HAUS8: variants seen among roughly 807,000 people sequenced by gnomAD.
HAUS8 encodes the protein HAUS augmin-like complex subunit 8.
Under a neutral mutation model 42.9 loss-of-function variants are expected in HAUS8, and 38 were observed. The observed-to-expected ratio is 0.89, with a 90% CI of 0.68 to 1.16. HAUS8 has a LOEUF of 1.16. HAUS8 is among the 50% of genes most tolerant of loss of function. HAUS8 has a pLI of 0.00. For missense variants in HAUS8, 494 were observed against 511.6 expected, an observed-to-expected ratio of 0.97 and a Z score of 0.33; for synonymous variants, 199 against 205.8, an observed-to-expected ratio of 0.97 and a Z score of 0.28.
chr19:17,052,733 T>C (rs2057295117), intron 10 of HAUS8, 92 bp downstream of exon 10: 3 of 1,406,288 alleles, frequency 2.1e-6, no homozygotes, highest in Admixed American at 3.5e-5. Flanking sequence ...TCTGAACTCC[T>C]AGAGGAACTC....
chr19:17,066,473 T>A (rs1465054732), intron 3 of HAUS8, among the ~76,000 whole-genome samples: 1 of 152,144 alleles, frequency 6.6e-6, no homozygotes, highest in Non-Finnish European at 1.5e-5. Context: ...TCCTGCAAAT[T>A]AACTGAACCC....
intron 6 of HAUS8, among the ~76,000 whole-genome samples, chr19:17,059,313 A>G (rs1237433291): frequency 6.6e-6 from 1 of 152,240 alleles, no homozygotes; most frequent in African/African-American, 2.4e-5. Flanking sequence ...GCATGGGCAC[A>G]GAGAAGTCCC....
In HAUS8 at chr19:17,068,876, T is replaced by C. The variant is rs992350152; in HGVS notation, c.147+155A>G. ...GATGACAGACTCACAACTGGCAGCA[T>C]GAAGGGCTGATGGTCTCAAAAGCAC... is the stretch of plus-strand genomic sequence containing the variant. On this transcript the variant is annotated intron_variant, in intron 3 of 10. Transcript: ENST00000253669. 4.6e-5 allele frequency among the ~76,000 whole-genome samples: 7 copies of C among 152,298 alleles called. No individual in the cohort carries two copies. In the East Asian group the frequency reaches 1.2e-3, roughly 25 times the overall value.
At chr19:17,065,098 A>T (rs1204051161) in intron 3 of HAUS8, among the ~76,000 whole-genome samples, 2 of 152,244 alleles carry the variant, frequency 1.3e-5, no homozygotes, top group African/African-American at 4.8e-5. Context: ...AAGATGCTCA[A>T]TATCATCGGC....
At chr19:17,075,188 G>A (rs1315860328) in intron 1 of HAUS8, 5 of 565,094 alleles carry the variant, frequency 8.8e-6, no homozygotes, top group African/African-American at 1.9e-5. Context: ...TCCCAGCCGA[G>A]GACGCGGAAC....
At chr19:17,063,707 G>T (rs1317404766) in intron 3 of HAUS8, among the ~76,000 whole-genome samples, 1 of 152,130 alleles carries the variant, frequency 6.6e-6, no homozygotes, top group Non-Finnish European at 1.5e-5. Flanking sequence ...AATCCCTTGA[G>T]GGCCTGAATA....
chr19:17,062,853 C>A, intron 3 of HAUS8, 74 bp from the exon 4 acceptor site: 1 of 1,090,290 alleles, frequency 9.2e-7, no homozygotes, highest in Non-Finnish European at 1.4e-6. Flanking sequence ...ATGCGGTCTG[C>A]ACTGTGTTTC....
intron 2 of HAUS8, among the ~76,000 whole-genome samples, chr19:17,070,868 G>A (rs1346282188): frequency 1.3e-5 from 2 of 152,140 alleles, no homozygotes; most frequent in African/African-American, 2.4e-5. Flanking sequence ...TCAGGAGTTC[G>A]CGATCAGCCT....
chr19:17,067,801 G>A lies in HAUS8; in HGVS notation c.147+1230C>T, dbSNP rs150594140. 2.1e-3 allele frequency among the ~76,000 whole-genome samples: 314 copies of A among 152,300 alleles called. 2 individuals are homozygous for A. Among genetic ancestry groups the A allele is most frequent in the Middle Eastern group, 0.01 (3 of 294 alleles). On this transcript the variant is annotated intron_variant, in intron 3 of 10. Transcript: ENST00000253669. Reference sequence around the variant, plus strand: ...ACCCAGAGTGGAAGACAGGCAGTGGGAATTTGACTTAATTTTATCATAAAC... The same window carrying A: ...ACCCAGAGTGGAAGACAGGCAGTGGAAATTTGACTTAATTTTATCATAAAC...
chr19:17,058,900 T>G (rs2057342794), intron 6 of HAUS8, 24 bp from the exon 7 acceptor site: 3 of 1,586,848 alleles, frequency 1.9e-6, no homozygotes, highest in East Asian at 4.5e-5. Flanking sequence ...AAAGACCCTC[T>G]CAATTCCTGA....
rs2057341010 is a variant in HAUS8 at position 17,058,708 on chromosome 19, C to T, written c.487-1G>A. On this transcript the variant is annotated splice_acceptor_variant, in intron 7 of 10. Transcript: ENST00000253669. LOFTEE classifies it high-confidence loss of function. ...CAAACTCAGCAAGATTGTTCTCCATCTGTTAAATGTGAAAGAAAAGCTCAA... is the reference window on the plus strand; with the variant it reads ...CAAACTCAGCAAGATTGTTCTCCATTTGTTAAATGTGAAAGAAAAGCTCAA... 1.9e-6 allele frequency: 3 copies of T among 1,604,240 alleles called. No homozygotes were observed. In the East Asian group the frequency reaches 6.7e-5, roughly 36 times the overall value.
intron 2 of HAUS8, among the ~76,000 whole-genome samples, chr19:17,070,374 G>A (rs1056472423): frequency 1.3e-5 from 2 of 152,210 alleles, no homozygotes; most frequent in African/African-American, 4.8e-5. Flanking sequence ...CTTCAGGGCT[G>A]AGACAGGCTG....
intron 3 of HAUS8, 92 bp from the exon 4 acceptor site, chr19:17,062,871 C>T (rs958193871): frequency 2.2e-6 from 2 of 926,048 alleles, no homozygotes; most frequent in Non-Finnish European, 3.5e-6. Flanking sequence ...TTCGTAACTG[C>T]TCTTACTTTG....
chr19:17,051,512 CA>C (rs951735507), intron 10 of HAUS8, among the ~76,000 whole-genome samples: 2 of 151,842 alleles, frequency 1.3e-5, no homozygotes, highest in African/African-American at 2.4e-5. Flanking sequence ...ATCAGAAGTT[CA>C]AAAAACATCC....
intron 10 of HAUS8, chr19:17,052,420 A>G: frequency 5.9e-6 from 1 of 170,834 alleles, no homozygotes; most frequent in Admixed American, 5.9e-5. Flanking sequence ...GAAGTAGGCT[A>G]GAAAAGGGAA....
chr19:17,050,096 G>T lies in HAUS8; in HGVS notation c.1010C>A (p.Thr337Asn). The T allele has an allele frequency of 6.3e-7, 1 of 1,598,186 alleles. No homozygotes were observed. Among genetic ancestry groups the T allele is most frequent in the Non-Finnish European group, 8.5e-7 (1 of 1,172,468 alleles). ...ALANQEVWEE[T>N]QGMAPPSRWY... ...CCGGCTGGGGGGCGCCATGCCCTGG[G>T]TCTCTTCCCAGACTTCCTGGTTTGC... The change falls in exon 11 of 11, where the codon ACC becomes AAC. Residue 337 changes from threonine (T) to asparagine (N), a missense_variant. Physicochemically the swap from Thr to Asn is moderately conservative, Grantham distance 65. Transcript: ENST00000253669.
chr19:17,056,078 T>C (rs2057324504), intron 8 of HAUS8, 76 bp from the exon 9 acceptor site: 4 of 1,425,078 alleles, frequency 2.8e-6, no homozygotes, highest in Admixed American at 1.7e-5. Flanking sequence ...TAACGGCTTG[T>C]GCAGGGTTAA....
intron 9 of HAUS8, 39 bp from the exon 10 acceptor site, chr19:17,053,005 G>C: frequency 6.2e-7 from 1 of 1,613,576 alleles, no homozygotes; most frequent in Admixed American, 1.7e-5. Flanking sequence ...GGATGGCAAG[G>C]TGCCCCACGC....
rs112248964 is a variant in HAUS8, at chr19:17,059,979, G to T, written c.325+18C>A. On this transcript the variant is annotated intron_variant, in intron 5 of 10. Transcript: ENST00000253669. ...CAACCCCCAGTGAGTGACAGAAGGG[G>T]TGAAACAAATGATTTACCATTAATA... The T allele has an allele frequency of 2.5e-6, 4 of 1,577,210 alleles. No homozygotes were observed. Among genetic ancestry groups the T allele is most frequent in the African/African-American group, 1.3e-5 (1 of 74,262 alleles).
Sources: allele counts gnomAD v4.1 joint callset (sites outside exome capture counted in the v4.1 genomes callset), GRCh38; gene constraint gnomAD v4.1.1; transcripts MANE v1.5; gene names NCBI Gene and HGNC (gene_info 2026-07-23, HGNC 2026-07-21).